AMPD3: variants seen among roughly 807,000 people sequenced by gnomAD.
AMPD3 encodes AMP deaminase 3.
A neutral mutation model predicts 82.3 loss-of-function variants in AMPD3; 57 were observed. That is an observed-to-expected ratio of 0.69 (90% CI 0.56 to 0.86). The LOEUF (loss-of-function observed/expected upper bound fraction) is 0.86, where lower values mean the gene tolerates loss of function less well. Among genes scored for constraint, AMPD3 ranks in the 40% least tolerant of loss-of-function variants. The pLI, the probability that AMPD3 is intolerant of heterozygous loss-of-function variation, is 0.00. For missense variants in AMPD3, 870 were observed against 1,003.8 expected (o/e 0.87, Z 1.80); for synonymous variants, 381 against 394.7 (o/e 0.97, Z 0.41).
chr11:10,494,948 CTG>C lies in AMPD3; in HGVS notation c.1187_1188del (p.Val396GlyfsTer4), dbSNP rs775421279. ...GACAAGTTCAACTCCAAATACAACC[CTG>C]TGGGGGCCAGTGAGCTGCGTGACCT... is the stretch of plus-strand genomic sequence containing the variant. On this transcript the variant is annotated frameshift_variant, in exon 8 of 15. Coordinates refer to ENST00000396553, the MANE Select transcript of AMPD3 (RefSeq NM_001025389.2). LOFTEE classifies it high-confidence loss of function. 37 of 1,614,222 alleles carry C rather than the reference CTG, an allele frequency of 2.3e-5. No homozygotes were observed. The highest frequency in any genetic ancestry group is 2.5e-6 in the Non-Finnish European group (3 of 1,180,038).
rs1388188681 is a variant in AMPD3, at chr11:10,495,040, C to A, written c.1266+10C>A. On this transcript the variant is annotated intron_variant, in intron 8 of 14. Transcript: ENST00000396553. ...TGCTCGGATGGTCAAGGTGAGTGAA[C>A]CCTCAGTCTCTCTGAGGCCTCTCAG... is the stretch of plus-strand genomic sequence containing the variant. 3 of 1,614,098 alleles carry A rather than the reference C, an allele frequency of 1.9e-6. No individual in the cohort carries two copies. The African/African-American group carries it at 4.0e-5, about 22-fold the overall frequency.
chr11:10,504,415 G>T, intron 13 of AMPD3, 134 bp from the exon 14 acceptor site: 1 of 1,051,280 alleles, frequency 9.5e-7, no homozygotes, highest in Non-Finnish European at 1.5e-6. Context: ...AAGGTGTGAT[G>T]TTTGATGATC....
chr11:10,474,276 C>T (rs991205873), intron 2 of AMPD3, among the ~76,000 whole-genome samples: 6 of 152,192 alleles, frequency 3.9e-5, no homozygotes, highest in African/African-American at 1.2e-4. Flanking sequence ...GCCCCCAGCT[C>T]ATAGTACACA....
chr11:10,500,011 T>A, intron 10 of AMPD3, 75 bp from the exon 11 acceptor site: 5 of 1,596,942 alleles, frequency 3.1e-6, no homozygotes, highest in Non-Finnish European at 4.3e-6. Flanking sequence ...CTGGCAGCTA[T>A]GAGCTCTGGG....
intron 2 of AMPD3, among the ~76,000 whole-genome samples, chr11:10,465,421 C>G (rs1399138506): frequency 6.6e-6 from 1 of 152,166 alleles, no homozygotes; most frequent in Non-Finnish European, 1.5e-5. Context: ...ATAGTTAAGG[C>G]TGGCAAGATG....
chr11:10,498,801 C>T (rs1849494718), intron 10 of AMPD3, among the ~76,000 whole-genome samples: 1 of 152,252 alleles, frequency 6.6e-6, no homozygotes, highest in South Asian at 2.1e-4. Flanking sequence ...TTTCTCCCAT[C>T]TGCTATTCAG....
At chr11:10,502,557 G>T (rs948169576) in intron 12 of AMPD3, 164 bp from the exon 13 acceptor site, 1 of 985,074 alleles carries the variant, frequency 1.0e-6, no homozygotes, top group African/African-American at 1.7e-5. Flanking sequence ...GGGAGAGTGG[G>T]TCTGAGTGTC....
intron 5 of AMPD3, among the ~76,000 whole-genome samples, chr11:10,486,142 C>T (rs1449202646): frequency 1.3e-5 from 2 of 152,144 alleles, no homozygotes; most frequent in African/African-American, 4.8e-5. Context: ...CAAGTAGTGG[C>T]TGTCCCATCT....
At chr11:10,500,388 AC>A (rs1849543615) in intron 11 of AMPD3, 139 bp downstream of exon 11, 1 of 1,231,806 alleles carries the variant, frequency 8.1e-7, no homozygotes, top group Non-Finnish European at 1.2e-6. Flanking sequence ...GTGCCCACAC[AC>A]CTCAAAACAC....
At chr11:10,495,112 C>T (rs1197015480) in intron 8 of AMPD3, 82 bp downstream of exon 8, 7 of 1,611,880 alleles carry the variant, frequency 4.3e-6, no homozygotes, top group Middle Eastern at 1.7e-4. Context: ...CTGTGTGCCC[C>T]TGGCCCCTTC....
At chr11:10,473,495 G>A (rs1200779605) in intron 2 of AMPD3, 2 of 985,202 alleles carry the variant, frequency 2.0e-6, no homozygotes, top group Middle Eastern at 5.2e-4. Flanking sequence ...GAAGGGGCAG[G>A]TTTCCAGAGG....
At chr11:10,478,915 G>A (rs1009764119) in intron 3 of AMPD3, among the ~76,000 whole-genome samples, 185 bp downstream of exon 3, 9 of 151,942 alleles carry the variant, frequency 5.9e-5, no homozygotes, top group Non-Finnish European at 8.8e-5. Flanking sequence ...GTGGTGTCTC[G>A]GTGGCTGCCT....
chr11:10,471,445 T>A (rs1336645283), intron 2 of AMPD3, among the ~76,000 whole-genome samples: 1 of 152,036 alleles, frequency 6.6e-6, no homozygotes, highest in Non-Finnish European at 1.5e-5. Flanking sequence ...AAGCCAAAAT[T>A]GAGAAATGGG....
At chr11:10,496,964 G>C in intron 10 of AMPD3, 26 bp downstream of exon 10, 1 of 1,613,108 alleles carries the variant, frequency 6.2e-7, no homozygotes, top group Non-Finnish European at 8.5e-7. Context: ...GCCCTAGGCA[G>C]GGCTCATAGC....
chr11:10,493,740 G>T, intron 7 of AMPD3, 197 bp downstream of exon 7: 1 of 700,612 alleles, frequency 1.4e-6, no homozygotes, highest in Non-Finnish European at 2.5e-6. Flanking sequence ...GAGGGTGTGT[G>T]GCTTGGGGCC....
At chr11:10,500,604 G>A (rs984566841) in intron 11 of AMPD3, 2 of 985,294 alleles carry the variant, frequency 2.0e-6, no homozygotes, top group African/African-American at 1.7e-5. Context: ...GATAATGGAA[G>A]CATAGGACAT....
chr11:10,454,279 T>C (rs968261953), upstream of AMPD3, among the ~76,000 whole-genome samples: 1 of 152,184 alleles, frequency 6.6e-6, no homozygotes, highest in Non-Finnish European at 1.5e-5. Flanking sequence ...GTCATCTTAG[T>C]GGAGCTGCTG....
At chr11:10,500,703 C>A (rs749602098) in intron 11 of AMPD3, 5 of 984,698 alleles carry the variant, frequency 5.1e-6, no homozygotes, top group Non-Finnish European at 6.0e-6. Flanking sequence ...ATCTGGCATG[C>A]GATAGGCATT....
chr11:10,466,256 C>T (rs979388688), intron 2 of AMPD3, among the ~76,000 whole-genome samples: 8 of 151,450 alleles, frequency 5.3e-5, no homozygotes, highest in Middle Eastern at 6.9e-3. Context: ...AGCAAAACTC[C>T]GTCTCAAAGA....
Sources: gnomAD v4.1 joint callset for allele counts (sites outside exome capture counted in the v4.1 genomes callset) on GRCh38, gnomAD v4.1.1 for gene constraint, MANE v1.5 for transcripts, NCBI Gene and HGNC (gene_info 2026-07-23, HGNC 2026-07-21) for gene names.